The following NID2 variants were observed in gnomAD, a reference collection of about 807,000 sequenced individuals.
The protein encoded by NID2 is nidogen-2.
Under a neutral mutation model 145.4 loss-of-function variants are expected in NID2, and 83 were observed. That is an observed-to-expected ratio of 0.57 (90% CI 0.48 to 0.69). NID2 has a LOEUF of 0.69. NID2 is among the 30% of genes least tolerant of loss of function. The pLI, the probability that NID2 is intolerant of heterozygous loss-of-function variation, is 0.00. For missense variants in NID2, 1,807 were observed against 1,765.7 expected (o/e 1.02, Z -0.42); for synonymous variants, 739 against 701.3 (o/e 1.05, Z -0.85).
intron 5 of NID2, among the ~76,000 whole-genome samples, chr14:52,043,135 G>A (rs983939370): frequency 6.6e-6 from 1 of 152,180 alleles, no homozygotes; most frequent in Admixed American, 6.5e-5. Context: ...GCTCCCGGCT[G>A]GGTCCCATTG....
At chr14:52,030,618 G>GAAAGAAAGAGAAAGAA (rs1891817536) in intron 9 of NID2, among the ~76,000 whole-genome samples, 3 of 94,250 alleles carry the variant, frequency 3.2e-5, no homozygotes, top group African/African-American at 4.5e-5. Flanking sequence ...GAAAGAAAAA[G>GAAAGAAAGAGAAAGAA]AAAGAAAGAG....
rs200245696 is a variant in NID2, at chr14:52,007,878, G to A, written c.3812C>T (p.Thr1271Ile). Residue 1271 changes from threonine to isoleucine, a missense_variant, in exon 19 of 22, where the codon ACA becomes ATA. Coordinates refer to ENST00000216286, the MANE Select transcript of NID2 (RefSeq NM_007361.4). Reference protein sequence around the residue: ...DGENRRILINTDIGLPNGLTF... With the variant: ...DGENRRILINIDIGLPNGLTF... The stretch of plus-strand genomic sequence containing the variant: ...TAAGCCATTGGGCAATCCAATGTCT[G>A]TATTGATCAGAATTCTTCTGTTTTC... The A allele has an allele frequency of 1.2e-6, 2 of 1,613,686 alleles. No individual in the cohort carries two copies. The highest frequency in any genetic ancestry group is 1.7e-6 in the Non-Finnish European group (2 of 1,179,634).
intron 18 of NID2, 114 bp from the exon 19 acceptor site, chr14:52,008,081 C>T: frequency 1.2e-6 from 1 of 822,372 alleles, no homozygotes. Context: ...TTAAGCAATC[C>T]CCTTGAGTTT....
At position 52,028,366 on chromosome 14, in the gene NID2, C is replaced by T. The variant is rs543429245; in HGVS notation, c.2530+356G>A. Among the ~76,000 whole-genome samples, 7 of 152,160 alleles carry T rather than the reference C, an allele frequency of 4.6e-5. No homozygotes were observed. The East Asian group carries it at 1.4e-3, about 29-fold the overall frequency. ...GTCAGTTCACTGCAACCTCTGCCTC[C>T]TGCGCTCAAGCAATCCTCCTATCTC... is the stretch of plus-strand genomic sequence containing the variant. On this transcript the variant is annotated intron_variant, in intron 11 of 21. Transcript: ENST00000216286.
At chr14:52,009,304 A>G (rs1281430993) in intron 18 of NID2, 1 of 152,260 alleles carries the variant, frequency 6.6e-6, no homozygotes, top group East Asian at 1.9e-4. Flanking sequence ...AATATCATCA[A>G]CAACAATAAG....
rs754879421 is a variant in NID2, at chr14:52,053,833, C to T, written c.1175G>A (p.Arg392Lys). The change falls in exon 5 of 22, where the codon AGA becomes AAA. Residue 392 changes from arginine to lysine, a missense_variant. Coordinates refer to ENST00000216286, the MANE Select transcript of NID2 (RefSeq NM_007361.4). ...GTCTACCTCTGGTGGAGCTGGGCTT[C>T]TGGTCTCTCTCTCATCCCAGGGCTC... is the stretch of plus-strand genomic sequence containing the variant. ...QVEPWDERET[R>K]SPAPPEVDRD... 9.9e-6 allele frequency: 16 copies of T among 1,614,052 alleles called. No homozygotes were observed. The highest frequency in any genetic ancestry group is 1.1e-5 in the Non-Finnish European group (13 of 1,180,038).
chr14:52,027,858 G>A (rs1353567669), intron 11 of NID2, among the ~76,000 whole-genome samples: 1 of 151,748 alleles, frequency 6.6e-6, no homozygotes, highest in Non-Finnish European at 1.5e-5. Context: ...TGAGTAGCTG[G>A]GATTACAGGC....
At chr14:52,043,309 C>T (rs2041531761) in intron 5 of NID2, among the ~76,000 whole-genome samples, 1 of 152,174 alleles carries the variant, frequency 6.6e-6, no homozygotes, top group Non-Finnish European at 1.5e-5. Flanking sequence ...CTAAACACAT[C>T]CTGAGAGGAA....
chr14:52,010,946 A>G lies in NID2; in HGVS notation c.3652T>C (p.Ser1218Pro), dbSNP rs1361572070. Residue 1218 changes from serine (S) to proline (P), a missense_variant, in exon 18 of 22, where the codon TCT becomes CCT. Physicochemically the swap from Ser to Pro is moderately conservative, Grantham distance 74. Coordinates refer to ENST00000216286, the MANE Select transcript of NID2 (RefSeq NM_007361.4). ...DKIESALLDG[S>P]ERKVLFYTDL... is the part of the protein sequence containing the mutation. ...GTGTAGAAGAGGACCTTGCGCTCAG[A>G]GCCATCCAGCAGGGCGCTCTCTATC... The G allele has an allele frequency of 9.3e-6, 15 of 1,614,108 alleles. No homozygotes were observed. The highest frequency in any genetic ancestry group is 1.3e-5 in the Non-Finnish European group (15 of 1,180,038).
intron 19 of NID2, 68 bp from the exon 20 acceptor site, chr14:52,006,728 T>C: frequency 6.5e-7 from 1 of 1,538,130 alleles, no homozygotes; most frequent in Non-Finnish European, 9.0e-7. Context: ...GACATAGTGA[T>C]AGTGACACAG....
intron 13 of NID2, among the ~76,000 whole-genome samples, chr14:52,019,515 C>T (rs955514142): frequency 6.6e-5 from 10 of 152,198 alleles, no homozygotes; most frequent in African/African-American, 2.4e-4. Flanking sequence ...AGCCCGGCCC[C>T]TCCCTATTGT....
Position 52,060,374 on chromosome 14 carries a change from AAAAAAG to A in NID2, c.535-24_535-19del. On this transcript the variant is annotated intron_variant, in intron 2 of 21. Transcript: ENST00000216286. Reference sequence around the variant, plus strand: ...GTGTTCAGCTGTGAGGAAAAAAAAAAAAAAAGAGAGAGAGAGAGAGAGAAACATCCT... The same window carrying A: ...GTGTTCAGCTGTGAGGAAAAAAAAAAAGAGAGAGAGAGAGAGAAACATCCT... 4.0e-6 allele frequency: 5 copies of A among 1,259,070 alleles called. No individual in the cohort carries two copies. Among genetic ancestry groups the A allele is most frequent in the East Asian group, 2.6e-5 (1 of 39,068 alleles). The allele number at this position is 1,259,070 out of a possible 1,614,324, so 78.0% of individuals were successfully genotyped here. A position where few individuals can be genotyped will look rare whatever the true frequency, so the allele number is the denominator to read the frequency against.
At chr14:52,032,207 T>G (rs1891894264) in intron 9 of NID2, among the ~76,000 whole-genome samples, 1 of 152,234 alleles carries the variant, frequency 6.6e-6, no homozygotes, top group African/African-American at 2.4e-5. Flanking sequence ...TAGTGGAATA[T>G]TCCCGTATTA....
At chr14:52,023,438 A>T (rs1407120177) in intron 12 of NID2, among the ~76,000 whole-genome samples, 7 of 152,030 alleles carry the variant, frequency 4.6e-5, no homozygotes, top group Admixed American at 4.6e-4. Flanking sequence ...CTGGGTGATA[A>T]AGTAAGACCC....
At chr14:52,028,258 T>C (rs998141243) in intron 11 of NID2, among the ~76,000 whole-genome samples, 4 of 135,442 alleles carry the variant, frequency 3.0e-5, no homozygotes, top group African/African-American at 8.3e-5. Context: ...AGCCATAGCT[T>C]TGAGAGATTT....
At chr14:52,014,575 G>T in intron 15 of NID2, 119 bp from the exon 16 acceptor site, 1 of 1,000,446 alleles carries the variant, frequency 1.0e-6, no homozygotes, top group Non-Finnish European at 1.5e-6. Context: ...TTCGCCCTAC[G>T]CAGATGTGCT....
intron 9 of NID2, among the ~76,000 whole-genome samples, chr14:52,037,616 G>A (rs1218505276): frequency 2.0e-5 from 3 of 152,270 alleles, no homozygotes; most frequent in East Asian, 1.9e-4. Context: ...TTCCAAGATT[G>A]TTTTGGCTAT....
intron 19 of NID2, 62 bp from the exon 20 acceptor site, chr14:52,006,722 T>C (rs1375776980): frequency 9.0e-6 from 14 of 1,557,544 alleles, no homozygotes; most frequent in Non-Finnish European, 1.2e-5. Flanking sequence ...GATAGTGACA[T>C]AGTGATAGTG....
chr14:52,011,796 G>T, intron 16 of NID2, 113 bp from the exon 17 acceptor site: 3 of 1,273,392 alleles, frequency 2.4e-6, no homozygotes, highest in Non-Finnish European at 3.3e-6. Context: ...CTGTGATCCT[G>T]CAGGCAACAG....
Sources: allele counts gnomAD v4.1 joint callset (sites outside exome capture counted in the v4.1 genomes callset), GRCh38; gene constraint gnomAD v4.1.1; transcripts MANE v1.5; gene names NCBI Gene and HGNC (gene_info 2026-07-23, HGNC 2026-07-21).